The following MGAT4C variants were observed in gnomAD, a reference collection of about 807,000 sequenced individuals.
The protein encoded by MGAT4C is alpha-1,3-mannosyl-glycoprotein 4-beta-N-acetylglucosaminyltransferase C.
In MGAT4C, 19 loss-of-function variants were observed where a neutral mutation model predicts 40.1. That is an observed-to-expected ratio of 0.47 (90% CI 0.33 to 0.70). The LOEUF is 0.70. MGAT4C is among the 30% of genes least tolerant of loss of function. The pLI, the probability that MGAT4C is intolerant of heterozygous loss-of-function variation, is 0.02. For missense variants in MGAT4C, 491 were observed against 563.2 expected (o/e 0.87, Z 1.30); for synonymous variants, 181 against 187.1 (o/e 0.97, Z 0.27).
chr12:86,128,158 G>A (rs1192623721), intron 1 of MGAT4C, among the ~76,000 whole-genome samples: 1 of 152,092 alleles, frequency 6.6e-6, no homozygotes, highest in Non-Finnish European at 1.5e-5. Context: ...TTCATTAGGC[G>A]ACAGGAATTT....
In MGAT4C at chr12:85,957,666, A is replaced by AAAAAAAAAAAAAAAAAAAAG. The variant is rs1882876143; in HGVS notation, c.*21622_*21623insCTTTTTTTTTTTTTTTTTTT. 1 of 149,754 alleles carries AAAAAAAAAAAAAAAAAAAAG rather than the reference A, an allele frequency of 6.7e-6. No homozygotes were observed. Among genetic ancestry groups the AAAAAAAAAAAAAAAAAAAAG allele is most frequent in the Non-Finnish European group, 1.5e-5 (1 of 67,536 alleles). 9.3% of individuals were successfully genotyped at this position (149,754 alleles called of 1,614,324 possible). On this transcript the variant is annotated 3_prime_UTR_variant, in exon 5 of 5. Coordinates refer to ENST00000611864, the MANE Select transcript of MGAT4C (RefSeq NM_001351288.2). ...GAGTTGAATAAGAAAGCAAAAAAAA[A>AAAAAAAAAAAAAAAAAAAAG]AAAAAAAGAAAAAAGAAAAAAAAAA... is the stretch of plus-strand genomic sequence containing the variant.
intron 4 of MGAT4C, among the ~76,000 whole-genome samples, chr12:86,281,032 T>G (rs1953206361): frequency 6.6e-6 from 1 of 152,026 alleles, no homozygotes; most frequent in Non-Finnish European, 1.5e-5. Flanking sequence ...TATTTATATT[T>G]TGCTTGTCTT....
chr12:85,956,392 C>T lies in MGAT4C; in HGVS notation c.*22897G>A, dbSNP rs574887558. 4 of 152,208 alleles carry T rather than the reference C, an allele frequency of 2.6e-5. No individual in the cohort carries two copies. Among genetic ancestry groups the T allele is most frequent in the South Asian group, 4.1e-4 (2 of 4,820 alleles). The allele number at this position is 152,208 out of a possible 1,614,324, so 9.4% of individuals were successfully genotyped here. ...ATGGGAATCTGATTCTCAATAACTT[C>T]GGTGTTTTGTTTGTCCTTAGACAAT... On this transcript the variant is annotated 3_prime_UTR_variant, in exon 5 of 5. Transcript: ENST00000611864.
intron 1 of MGAT4C, among the ~76,000 whole-genome samples, chr12:86,196,066 A>T (rs1390045938): frequency 1.3e-5 from 2 of 152,200 alleles, no homozygotes; most frequent in Admixed American, 6.5e-5. Context: ...TGTAGCTTAA[A>T]CAACAGAAAT....
intron 2 of MGAT4C, among the ~76,000 whole-genome samples, chr12:86,528,214 A>C (rs1454229989): frequency 6.6e-6 from 1 of 152,104 alleles, no homozygotes; most frequent in Non-Finnish European, 1.5e-5. Context: ...TATATAATCA[A>C]AAGTAAAGAA....
intron 1 of MGAT4C, among the ~76,000 whole-genome samples, chr12:86,809,052 A>C (rs1274751009): frequency 6.6e-6 from 1 of 152,102 alleles, no homozygotes; most frequent in African/African-American, 2.4e-5. Flanking sequence ...AGAGAATAAA[A>C]TACCTAAGAA....
At chr12:86,096,438 C>G (rs1288024797) in intron 1 of MGAT4C, among the ~76,000 whole-genome samples, 1 of 75,120 alleles carries the variant, frequency 1.3e-5, no homozygotes, top group Non-Finnish European at 2.7e-5. Flanking sequence ...CCTTTTTTTT[C>G]TTTCTTTCAT....
At chr12:86,368,863 T>C (rs1466962184) in intron 3 of MGAT4C, among the ~76,000 whole-genome samples, 1 of 150,550 alleles carries the variant, frequency 6.6e-6, no homozygotes, top group East Asian at 1.9e-4. Flanking sequence ...TCTGCTGCTA[T>C]TGGGTGGAAT....
intron 2 of MGAT4C, among the ~76,000 whole-genome samples, chr12:86,634,234 T>C (rs1963148244): frequency 6.6e-6 from 1 of 152,132 alleles, no homozygotes; most frequent in East Asian, 1.9e-4. Flanking sequence ...CAGAAAGTCA[T>C]TGCCTTTTAA....
intron 2 of MGAT4C, among the ~76,000 whole-genome samples, chr12:86,460,810 T>A (rs1957587299): frequency 6.6e-6 from 1 of 152,144 alleles, no homozygotes; most frequent in Non-Finnish European, 1.5e-5. Flanking sequence ...AATTTAAATT[T>A]ATTTTCCATG....
intron 2 of MGAT4C, among the ~76,000 whole-genome samples, chr12:86,700,156 G>T (rs556573504): frequency 2.6e-3 from 94 of 36,358 alleles, no homozygotes; most frequent in African/African-American, 6.5e-3. Context: ...CAGACAGACA[G>T]ACAGACAGAC....
At chr12:86,607,967 C>T (rs977904498) in intron 2 of MGAT4C, among the ~76,000 whole-genome samples, 1 of 152,028 alleles carries the variant, frequency 6.6e-6, no homozygotes, top group African/African-American at 2.4e-5. Flanking sequence ...CTTCCCTGGG[C>T]TCAAGCAATC....
intron 4 of MGAT4C, among the ~76,000 whole-genome samples, chr12:86,326,860 C>G (rs953899151): frequency 6.6e-6 from 1 of 152,102 alleles, no homozygotes; most frequent in African/African-American, 2.4e-5. Context: ...CCTTACTTCA[C>G]TCTTTAAACA....
chr12:86,403,212 C>T (rs61949488), intron 3 of MGAT4C, among the ~76,000 whole-genome samples: 6,574 of 152,236 alleles, frequency 0.043, 198 homozygotes, highest in Non-Finnish European at 0.066. Flanking sequence ...TTACCTTCCA[C>T]CATTGACATT....
chr12:86,014,904 C>T (rs951615585), intron 2 of MGAT4C, among the ~76,000 whole-genome samples: 1 of 151,512 alleles, frequency 6.6e-6, no homozygotes, highest in African/African-American at 2.4e-5. Context: ...ACTTCAGCCT[C>T]CTGAGTAGCT....
chr12:86,501,349 T>G (rs1183494867), intron 2 of MGAT4C, among the ~76,000 whole-genome samples: 1 of 152,156 alleles, frequency 6.6e-6, no homozygotes, highest in African/African-American at 2.4e-5. Context: ...TATTTTATTT[T>G]AAGTTCTAAA....
At chr12:86,682,729 G>T (rs1950004423) in intron 2 of MGAT4C, among the ~76,000 whole-genome samples, 2 of 152,024 alleles carry the variant, frequency 1.3e-5, no homozygotes, top group South Asian at 4.2e-4. Context: ...ACACCACAGA[G>T]AATAAATGAT....
chr12:86,116,333 G>A (rs1417488168), intron 1 of MGAT4C, among the ~76,000 whole-genome samples: 1 of 151,990 alleles, frequency 6.6e-6, no homozygotes, highest in Non-Finnish European at 1.5e-5. Context: ...GTCAGAAGTT[G>A]CTGCAGTAAG....
At chr12:86,010,515 T>TA (rs946937310) in intron 2 of MGAT4C, among the ~76,000 whole-genome samples, 13 of 152,192 alleles carry the variant, frequency 8.5e-5, no homozygotes, top group African/African-American at 3.1e-4. Context: ...CCGTCTCTAC[T>TA]AAAAATACAA....
Sources: allele counts gnomAD v4.1 joint callset (sites outside exome capture counted in the v4.1 genomes callset), GRCh38; gene constraint gnomAD v4.1.1; transcripts MANE v1.5; gene names NCBI Gene and HGNC (gene_info 2026-07-23, HGNC 2026-07-21).